AK5: variants seen among roughly 807,000 people sequenced by gnomAD.
AK5 encodes adenylate kinase isoenzyme 5.
AK5 carries 27 observed loss-of-function variants against 69.5 expected under a neutral mutation model. The ratio of observed to expected loss-of-function variants is 0.39; its 90% confidence interval spans 0.29 to 0.54. AK5 has a LOEUF of 0.54. Among genes scored for constraint, AK5 ranks in the 20% least tolerant of loss-of-function variants. AK5 has a pLI of 0.71. For synonymous variants in AK5, 260 were observed against 244.4 expected, an observed-to-expected ratio of 1.06 and a Z score of -0.60; for missense variants, 531 against 700.4, an observed-to-expected ratio of 0.76 and a Z score of 2.73.
At chr1:77,367,589 T>TTATATATATGTTATATATATGTTA (rs374382779) in intron 6 of AK5, among the ~76,000 whole-genome samples, 6 of 43,594 alleles carry the variant, frequency 1.4e-4, no homozygotes, top group Middle Eastern at 0.025. Flanking sequence ...AATATATATG[T>TTATATATATGTTATATATATGTTA]TATATATGTA....
intron 8 of AK5, among the ~76,000 whole-genome samples, chr1:77,448,409 G>A (rs991155631): frequency 5.3e-5 from 8 of 152,246 alleles, no homozygotes; most frequent in Middle Eastern, 3.4e-3. Context: ...TCTCCTCTCC[G>A]CTGAGGGCTG....
rs10618389 is a variant in AK5 at position 77,480,119 on chromosome 1, A to AGT, written c.1060-3161_1060-3160dup. ...CCAGAAGTGTTTCCCATTCACCCCG[A>AGT]GTGTGTGTGTGTGTGTGTGTGTGTG... On this transcript the variant is annotated intron_variant, in intron 8 of 13. Coordinates refer to ENST00000354567, the MANE Select transcript of AK5 (RefSeq NM_174858.3). Among the ~76,000 whole-genome samples the AGT allele has an allele frequency of 1.2e-3, 182 of 149,868 alleles. 2 individuals carry two copies. Among genetic ancestry groups the AGT allele is most frequent in the African/African-American group, 4.2e-3 (171 of 40,664 alleles).
rs758117727 is a variant in AK5 at position 77,282,296 on chromosome 1, G to A, written c.-18G>A. On this transcript the variant is annotated 5_prime_UTR_variant, in exon 1 of 14. Transcript: ENST00000354567. ...GGGAGCCTCCCCGCTTGCGCCCCAA[G>A]GCACGCGCGGCACAGCCATGAACAC... 3.8e-5 allele frequency: 58 copies of A among 1,546,660 alleles called. No homozygotes were observed. The East Asian group carries it at 9.6e-4, about 26-fold the overall frequency.
At chr1:77,492,499 C>T (rs150346974) in intron 10 of AK5, among the ~76,000 whole-genome samples, 126 of 152,264 alleles carry the variant, frequency 8.3e-4, no homozygotes, top group African/African-American at 2.1e-3. Flanking sequence ...CATGGGGTTA[C>T]TTGGGGGTTG....
intron 5 of AK5, among the ~76,000 whole-genome samples, chr1:77,320,094 G>T (rs1490646779): frequency 6.6e-6 from 1 of 152,198 alleles, no homozygotes; most frequent in African/African-American, 2.4e-5. Context: ...AAGACAAAGG[G>T]AAAGAAAGGC....
At chr1:77,416,370 C>G (rs1469769064) in intron 7 of AK5, among the ~76,000 whole-genome samples, 1 of 152,172 alleles carries the variant, frequency 6.6e-6, no homozygotes, top group Non-Finnish European at 1.5e-5. Flanking sequence ...ACTAGCATCA[C>G]CCAGGGTTGT....
chr1:77,283,297 G>C (rs986104787), intron 1 of AK5: 1 of 985,370 alleles, frequency 1.0e-6, no homozygotes, highest in Non-Finnish European at 1.2e-6. Flanking sequence ...AAGTAGGGGG[G>C]AGGAGGAGAA....
intron 6 of AK5, among the ~76,000 whole-genome samples, chr1:77,379,994 C>T (rs999136899): frequency 2.6e-5 from 4 of 152,188 alleles, no homozygotes; most frequent in African/African-American, 9.7e-5. Context: ...TTCCAAGGAA[C>T]TCATAATTAT....
intron 10 of AK5, among the ~76,000 whole-genome samples, chr1:77,506,960 C>T (rs1285184278): frequency 6.6e-6 from 1 of 151,952 alleles, no homozygotes; most frequent in Non-Finnish European, 1.5e-5. Context: ...GATCACACCA[C>T]TGCACTCCAG....
At chr1:77,398,128 T>C (rs1218211925) in intron 6 of AK5, among the ~76,000 whole-genome samples, 1 of 149,906 alleles carries the variant, frequency 6.7e-6, no homozygotes, top group East Asian at 1.9e-4. Context: ...TTGCAGGAGA[T>C]AAATTTTTTT....
intron 12 of AK5, among the ~76,000 whole-genome samples, chr1:77,524,237 A>G (rs1390404256): frequency 6.6e-6 from 1 of 152,210 alleles, no homozygotes; most frequent in Non-Finnish European, 1.5e-5. Context: ...TAATGTTGCC[A>G]TGACTACATG....
intron 8 of AK5, among the ~76,000 whole-genome samples, chr1:77,428,812 T>C (rs1651393585): frequency 6.6e-6 from 1 of 152,136 alleles, no homozygotes; most frequent in African/African-American, 2.4e-5. Flanking sequence ...GTCCATGTGT[T>C]CTCATTGTTC....
intron 6 of AK5, among the ~76,000 whole-genome samples, chr1:77,357,992 A>AGTGTGTGTGTGTGTGTGTGTGT (rs10643921): frequency 2.7e-3 from 327 of 121,098 alleles, no homozygotes; most frequent in Admixed American, 3.8e-3. Flanking sequence ...TATGGAGAGT[A>AGTGTGTGTGTGTGTGTGTGTGT]GTGTGTGTGT....
chr1:77,468,229 A>G (rs1446432278), intron 8 of AK5, among the ~76,000 whole-genome samples: 1 of 152,010 alleles, frequency 6.6e-6, no homozygotes, highest in Non-Finnish European at 1.5e-5. Context: ...TTTTCCCTGT[A>G]CTCTCTTTCC....
chr1:77,282,538 C>T, intron 1 of AK5, 165 bp downstream of exon 1: 1 of 1,373,572 alleles, frequency 7.3e-7, no homozygotes, highest in Non-Finnish European at 9.4e-7. Flanking sequence ...GCCTTTCCCG[C>T]GGGTTGCCAG....
chr1:77,503,453 C>G (rs1046325837), intron 10 of AK5, among the ~76,000 whole-genome samples: 1 of 152,054 alleles, frequency 6.6e-6, no homozygotes, highest in Admixed American at 6.6e-5. Flanking sequence ...TCAGTTTTTT[C>G]CATGCTTTTG....
rs368276472 is a variant in AK5, at chr1:77,298,910, T to G, written c.699+963T>G. Among the ~76,000 whole-genome samples, 8 of 152,280 alleles carry G rather than the reference T, an allele frequency of 5.3e-5. 1 individual carries two copies. The highest frequency in any genetic ancestry group is 1.9e-4 in the African/African-American group (8 of 41,552). Reference sequence around the variant, plus strand: ...TAAGTCTATCTGTAAAACGTGAAAGTCCATCAATACCCTCCCATTCCGCTG... The same window carrying G: ...TAAGTCTATCTGTAAAACGTGAAAGGCCATCAATACCCTCCCATTCCGCTG... On this transcript the variant is annotated intron_variant, in intron 5 of 13. Transcript: ENST00000354567.
At chr1:77,336,763 G>A (rs1661385268) in intron 5 of AK5, among the ~76,000 whole-genome samples, 2 of 152,108 alleles carry the variant, frequency 1.3e-5, no homozygotes, top group Admixed American at 1.3e-4. Flanking sequence ...TGGTGTTGAT[G>A]AAATCTCTCA....
chr1:77,408,599 T>C (rs774043457), intron 6 of AK5, among the ~76,000 whole-genome samples: 1 of 152,158 alleles, frequency 6.6e-6, no homozygotes, highest in Non-Finnish European at 1.5e-5. Flanking sequence ...CTGTTGGTAG[T>C]TTCTTTTGCT....
Sources: gnomAD v4.1 joint callset for allele counts (sites outside exome capture counted in the v4.1 genomes callset) on GRCh38, gnomAD v4.1.1 for gene constraint, MANE v1.5 for transcripts, NCBI Gene and HGNC (gene_info 2026-07-23, HGNC 2026-07-21) for gene names.